The following SCOC variants were observed in gnomAD, a reference collection of about 807,000 sequenced individuals.
SCOC encodes short coiled coil protein.
A neutral mutation model predicts 9.9 loss-of-function variants in SCOC; 7 were observed. That is an observed-to-expected ratio of 0.71 (90% confidence interval 0.40 to 1.33). The LOEUF (loss-of-function observed/expected upper bound fraction) is 1.33. Ranked by LOEUF, SCOC falls within the 40% of genes most tolerant of loss-of-function variation. The pLI is 0.01. For synonymous variants in SCOC, 19 were observed against 28.2 expected (o/e 0.67, Z 1.03); for missense variants, 66 against 89.7 (o/e 0.74, Z 1.07).
upstream of SCOC, among the ~76,000 whole-genome samples, chr4:140,341,300 T>A (rs1726503721): frequency 6.6e-6 from 1 of 152,208 alleles, no homozygotes. Flanking sequence ...GTCAATTAAC[T>A]CTTCTCTTGC....
At chr4:140,326,811 A>G (rs73855737) in intron 1 of SCOC, among the ~76,000 whole-genome samples, 16,307 of 152,218 alleles carry the variant, frequency 0.11, 1,846 homozygotes, top group African/African-American at 0.29. Context: ...TGAATTAGAC[A>G]CAAAGAACTG....
chr4:140,275,527 C>G (rs1730959623), intron 1 of SCOC, among the ~76,000 whole-genome samples: 1 of 152,210 alleles, frequency 6.6e-6, no homozygotes, highest in South Asian at 2.1e-4. Flanking sequence ...AAGTGCCAAC[C>G]ACAGTGCCTG....
intron 1 of SCOC, among the ~76,000 whole-genome samples, chr4:140,272,711 A>G (rs1308031226): frequency 6.6e-6 from 1 of 152,202 alleles, no homozygotes; most frequent in Non-Finnish European, 1.5e-5. Context: ...ATTAAGTCAA[A>G]AAGATGTGTC....
At chr4:140,362,044 T>C (rs1727495309) in intron 2 of SCOC, among the ~76,000 whole-genome samples, 1 of 139,840 alleles carries the variant, frequency 7.2e-6, no homozygotes, top group South Asian at 2.5e-4. Flanking sequence ...GAGCAGACAC[T>C]GAGAGTGATT....
chr4:140,260,616 C>T (rs773727118), intron 1 of SCOC, among the ~76,000 whole-genome samples: 1 of 152,264 alleles, frequency 6.6e-6, no homozygotes, highest in Middle Eastern at 3.4e-3. Context: ...TCACTCTAGA[C>T]CAATGTCCTG....
chr4:140,340,602 G>T (rs1000012045), upstream of SCOC, among the ~76,000 whole-genome samples: 7 of 151,750 alleles, frequency 4.6e-5, no homozygotes, highest in South Asian at 2.1e-4. Flanking sequence ...TAATGCAAAA[G>T]AAATCAATAG....
intron 1 of SCOC, among the ~76,000 whole-genome samples, chr4:140,261,897 C>T (rs1488802245): frequency 6.6e-6 from 1 of 152,066 alleles, no homozygotes; most frequent in South Asian, 2.1e-4. Context: ...AGGCAAGGGA[C>T]ACTGGTGTCA....
intron 1 of SCOC, among the ~76,000 whole-genome samples, chr4:140,269,787 G>C (rs897770532): frequency 1.3e-5 from 2 of 151,868 alleles, no homozygotes; most frequent in Non-Finnish European, 2.9e-5. Flanking sequence ...GTCTTGCTCT[G>C]TCACCCAGGC....
chr4:140,357,298 C>T (rs1037073862), intron 2 of SCOC, among the ~76,000 whole-genome samples: 1 of 152,128 alleles, frequency 6.6e-6, no homozygotes, highest in African/African-American at 2.4e-5. Flanking sequence ...ATATGGTAAT[C>T]AGGTGTACAG....
intron 1 of SCOC, among the ~76,000 whole-genome samples, chr4:140,290,250 C>T (rs989273390): frequency 1.3e-5 from 2 of 152,228 alleles, no homozygotes; most frequent in East Asian, 1.9e-4. Flanking sequence ...ACAACAGTGT[C>T]AGGATAACTT....
intron 1 of SCOC, among the ~76,000 whole-genome samples, chr4:140,306,314 T>C (rs1451182041): frequency 2.6e-5 from 4 of 152,062 alleles, no homozygotes; most frequent in African/African-American, 9.7e-5. Flanking sequence ...TTACCTCTCA[T>C]CGGGTCTTTC....
chr4:140,304,821 G>A (rs1225863288), intron 1 of SCOC, among the ~76,000 whole-genome samples: 2 of 152,128 alleles, frequency 1.3e-5, no homozygotes, highest in African/African-American at 4.8e-5. Context: ...CAAACCTAAC[G>A]CTGCCCTTTA....
At chr4:140,363,094 T>A (rs1391997151) in intron 2 of SCOC, among the ~76,000 whole-genome samples, 1 of 152,218 alleles carries the variant, frequency 6.6e-6, no homozygotes, top group African/African-American at 2.4e-5. Flanking sequence ...TCCTCTCCTA[T>A]ATTATAACCC....
At chr4:140,373,399 T>A, upstream of SCOC, 1 of 1,475,754 alleles carries the variant, frequency 6.8e-7, no homozygotes, top group Non-Finnish European at 9.0e-7. Context: ...CTTCGCTTCT[T>A]TACTGTCATT....
intron 1 of SCOC, among the ~76,000 whole-genome samples, chr4:140,295,727 G>T (rs1001317077): frequency 1.3e-5 from 2 of 151,814 alleles, no homozygotes; most frequent in Non-Finnish European, 2.9e-5. Flanking sequence ...GGATCACGAG[G>T]TCAGGAGATC....
intron 1 of SCOC, among the ~76,000 whole-genome samples, chr4:140,266,646 AG>A (rs1184539107): frequency 6.6e-6 from 1 of 152,176 alleles, no homozygotes; most frequent in African/African-American, 2.4e-5. Context: ...TTAATATATT[AG>A]AATATATTAG....
intron 1 of SCOC, among the ~76,000 whole-genome samples, chr4:140,308,001 A>T (rs1353369590): frequency 6.6e-6 from 1 of 152,164 alleles, no homozygotes; most frequent in Non-Finnish European, 1.5e-5. Context: ...CTCTTATGCC[A>T]ATTTAGTCAG....
chr4:140,267,744 G>C lies in SCOC; in HGVS notation c.-19+10334G>C, dbSNP rs143987464. ...CCCCCTCCTCCCTTTCCTCTGCCCCGAGGTGGTGTCAGCTTCCTGTCTTTG... is the reference window on the plus strand; with the variant it reads ...CCCCCTCCTCCCTTTCCTCTGCCCCCAGGTGGTGTCAGCTTCCTGTCTTTG... On this transcript the variant is annotated intron_variant, in intron 1 of 4. Transcript: ENST00000394205. Among the ~76,000 whole-genome samples, 56 of 152,146 alleles carry C rather than the reference G, an allele frequency of 3.7e-4. 1 individual carries two copies. The East Asian group carries it at 8.3e-3, about 23-fold the overall frequency.
In SCOC at chr4:140,343,614, C is replaced by T. The variant is rs757765467; in HGVS notation, c.-18-7C>T. On this transcript the variant is annotated splice_polypyrimidine_tract_variant and splice_region_variant and intron_variant, in intron 1 of 4. Coordinates refer to the SCOC transcript ENST00000338517. The stretch of plus-strand genomic sequence containing the variant: ...CTTTTCTCTGCCCTCATTTTTCTTA[C>T]TAACAGGTCTGAAAATTGAACAAGA... 6.2e-6 allele frequency: 10 copies of T among 1,600,152 alleles called. No homozygotes were observed. In the Admixed American group the frequency reaches 1.7e-4, roughly 27 times the overall value.
Sources: gnomAD v4.1 joint callset for allele counts (sites outside exome capture counted in the v4.1 genomes callset) on GRCh38, gnomAD v4.1.1 for gene constraint, MANE v1.5 for transcripts, NCBI Gene and HGNC (gene_info 2026-07-23, HGNC 2026-07-21) for gene names.